Variants in RBM6 observed in about 807,000 individuals in gnomAD.
RBM6 encodes the protein RNA-binding protein 6.
In RBM6, 23 loss-of-function variants were observed where a neutral mutation model predicts 140.4. The observed-to-expected ratio is 0.16, with a 90% CI of 0.12 to 0.23. The LOEUF (loss-of-function observed/expected upper bound fraction) is 0.23, where lower values mean the gene tolerates loss of function less well. RBM6 is among the 10% of genes least tolerant of loss of function. RBM6 has a pLI of 1.00. For missense variants in RBM6, 1,139 were observed against 1,386.7 expected (o/e 0.82, Z 2.84); for synonymous variants, 439 against 475.6 (o/e 0.92, Z 1.00).
chr3:50,058,375 C>T, intron 9 of RBM6, 27 bp from the exon 10 acceptor site: 1 of 1,587,310 alleles, frequency 6.3e-7, no homozygotes, highest in Non-Finnish European at 8.7e-7. Context: ...CCTTGTGTTG[C>T]CCTTCTCCCA....
intron 6 of RBM6, among the ~76,000 whole-genome samples, chr3:50,006,225 T>C (rs1179007521): frequency 2.0e-5 from 3 of 150,018 alleles, no homozygotes; most frequent in Non-Finnish European, 3.0e-5. Context: ...AACCTCCGCC[T>C]CCTGGGTTCA....
intron 17 of RBM6, among the ~76,000 whole-genome samples, chr3:50,066,848 A>G (rs539862231): frequency 2.0e-5 from 3 of 149,876 alleles, no homozygotes; most frequent in African/African-American, 7.4e-5. Flanking sequence ...AAACAAAACA[A>G]AACTGTTGAC....
intron 6 of RBM6, among the ~76,000 whole-genome samples, chr3:50,041,123 A>T (rs1212822813): frequency 6.6e-6 from 1 of 152,348 alleles, no homozygotes; most frequent in South Asian, 2.1e-4. Flanking sequence ...ACATTTTAGT[A>T]AAAGTTTTTG....
chr3:50,010,748 C>T (rs568130914), intron 6 of RBM6, among the ~76,000 whole-genome samples: 27 of 151,078 alleles, frequency 1.8e-4, no homozygotes, highest in Non-Finnish European at 3.4e-4. Flanking sequence ...ACCAAAAATA[C>T]GAAAATTAGC....
chr3:50,000,102 A>G (rs1361989326), intron 6 of RBM6, among the ~76,000 whole-genome samples: 1 of 152,274 alleles, frequency 6.6e-6, no homozygotes, highest in Admixed American at 6.5e-5. Flanking sequence ...GAGCTGGTGA[A>G]TCAGAATCTG....
intron 1 of RBM6, 81 bp from the exon 2 acceptor site, chr3:49,962,495 T>A: frequency 1.4e-6 from 1 of 692,412 alleles, no homozygotes; most frequent in Non-Finnish European, 2.5e-6. Context: ...ATGTGGTCCC[T>A]CATAAACCAA....
At chr3:50,017,214 A>C (rs2087211274) in intron 6 of RBM6, among the ~76,000 whole-genome samples, 1 of 152,130 alleles carries the variant, frequency 6.6e-6, no homozygotes, top group South Asian at 2.1e-4. Flanking sequence ...TCTTCTTTTA[A>C]AAATTTTGTT....
At chr3:49,984,422 T>C (rs2085452185) in intron 5 of RBM6, among the ~76,000 whole-genome samples, 1 of 152,170 alleles carries the variant, frequency 6.6e-6, no homozygotes, top group African/African-American at 2.4e-5. Context: ...GCCTGGTCAA[T>C]ATGGCAAAAC....
chr3:49,999,208 C>T (rs1467678728), intron 5 of RBM6, among the ~76,000 whole-genome samples: 1 of 152,092 alleles, frequency 6.6e-6, no homozygotes, highest in African/African-American at 2.4e-5. Context: ...AAAGGATCTT[C>T]TTGGTTAATA....
intron 6 of RBM6, among the ~76,000 whole-genome samples, chr3:50,017,247 C>T (rs932305620): frequency 6.6e-6 from 1 of 152,050 alleles, no homozygotes; most frequent in Non-Finnish European, 1.5e-5. Flanking sequence ...GCCAGGAATG[C>T]ACGTATGTCT....
At chr3:50,045,773 A>G (rs1044603672) in intron 6 of RBM6, among the ~76,000 whole-genome samples, 1 of 152,156 alleles carries the variant, frequency 6.6e-6, no homozygotes, top group Non-Finnish European at 1.5e-5. Flanking sequence ...ACTATATTCT[A>G]TGCTAAGCTC....
In RBM6 at chr3:50,039,882, A is replaced by AT. The variant is rs1005126825; in HGVS notation, c.1558-8359dup. Among the ~76,000 whole-genome samples the AT allele has an allele frequency of 4.5e-4, 69 of 152,208 alleles. 1 individual carries two copies. The highest frequency in any genetic ancestry group is 1.7e-3 in the African/African-American group (69 of 41,536). Reference sequence around the variant, plus strand: ...TACTTACTTACTTGCTTATTTATATATTTTGCCTCTTTGTTTTTGCCGCAA... The same window carrying AT: ...TACTTACTTACTTGCTTATTTATATATTTTTGCCTCTTTGTTTTTGCCGCAA... On this transcript the variant is annotated intron_variant, in intron 6 of 20. Coordinates refer to ENST00000266022, the MANE Select transcript of RBM6 (RefSeq NM_005777.3).
rs994767961 is a variant in RBM6, at chr3:49,998,137, A to G, written c.1484-1303A>G. ...TTAACTTGGAGTATTTAACAAGTCT[A>G]AAATCAAAGTTTATTGTTATTAGTA... is the stretch of plus-strand genomic sequence containing the variant. On this transcript the variant is annotated intron_variant, in intron 5 of 20. Transcript: ENST00000266022. Among the ~76,000 whole-genome samples the G allele has an allele frequency of 3.3e-5, 5 of 152,362 alleles. No homozygotes were observed. The East Asian group carries it at 9.6e-4, about 29-fold the overall frequency.
intron 6 of RBM6, among the ~76,000 whole-genome samples, chr3:50,025,581 A>T (rs1253275101): frequency 7.7e-5 from 4 of 52,218 alleles, no homozygotes; most frequent in African/African-American, 2.0e-4. Context: ...TATATATACA[A>T]CTTTAATTTT....
rs1028110367 is a variant in RBM6, at chr3:49,968,387, C to T, written c.962C>T (p.Thr321Met). Residue 321 changes from threonine to methionine, a missense_variant, in exon 3 of 21, where the codon ACG (threonine) becomes ATG (methionine). Coordinates refer to ENST00000266022, the MANE Select transcript of RBM6 (RefSeq NM_005777.3). ...NRREESTHDH[T>M]IERPAFGIQK... ...AGAGAAGAATCCACACATGACCATA[C>T]GATAGAAAGGCCTGCTTTTGGCATT... 1.7e-5 allele frequency: 27 copies of T among 1,613,932 alleles called. No individual in the cohort carries two copies. The highest frequency in any genetic ancestry group is 1.2e-4 in the African/African-American group (9 of 74,864).
chr3:50,045,392 G>A (rs1228932423), intron 6 of RBM6, among the ~76,000 whole-genome samples: 2 of 152,164 alleles, frequency 1.3e-5, no homozygotes, highest in African/African-American at 4.8e-5. Context: ...TGTGTACCAA[G>A]CACCAGGTCC....
intron 6 of RBM6, among the ~76,000 whole-genome samples, chr3:50,009,193 A>T (rs954942738): frequency 1.3e-5 from 2 of 152,216 alleles, no homozygotes; most frequent in African/African-American, 4.8e-5. Context: ...CTAGACAGAC[A>T]GCAAGAGAGT....
At chr3:50,034,717 CAA>C (rs2108834412) in intron 6 of RBM6, among the ~76,000 whole-genome samples, 1 of 152,186 alleles carries the variant, frequency 6.6e-6, no homozygotes, top group African/African-American at 2.4e-5. Context: ...GCCGAGATCA[CAA>C]CACTGCACTC....
chr3:49,943,387 C>T (rs12638046), intron 1 of RBM6, among the ~76,000 whole-genome samples: 12,100 of 152,042 alleles, frequency 0.08, 538 homozygotes, highest in African/African-American at 0.11. Context: ...ACTGCAGCCT[C>T]GAACTCGAGC....
Sources: allele counts gnomAD v4.1 joint callset (sites outside exome capture counted in the v4.1 genomes callset), GRCh38; gene constraint gnomAD v4.1.1; transcripts MANE v1.5; gene names NCBI Gene and HGNC (gene_info 2026-07-23, HGNC 2026-07-21).